SLC27A5: variants seen among roughly 807,000 people sequenced by gnomAD.
SLC27A5 encodes long-chain fatty acid transport protein 5.
SLC27A5 carries 47 observed loss-of-function variants against 63.1 expected under a neutral mutation model. That is an observed-to-expected ratio of 0.74 (90% CI 0.59 to 0.95). The LOEUF (loss-of-function observed/expected upper bound fraction) is 0.95, where lower values mean the gene tolerates loss of function less well. SLC27A5 is among the 40% of genes least tolerant of loss of function. SLC27A5 has a pLI of 0.00. For synonymous variants in SLC27A5, 391 were observed against 403.8 expected, an observed-to-expected ratio of 0.97 and a Z score of 0.38; for missense variants, 940 against 921.0, an observed-to-expected ratio of 1.02 and a Z score of -0.27.
rs143397900 is a variant in SLC27A5, at chr19:58,498,854, C to T, written c.1827G>A (p.Gly609=). 379 of 1,613,892 alleles carry T rather than the reference C, an allele frequency of 2.3e-4. No individual in the cohort carries two copies. Among genetic ancestry groups the T allele is most frequent in the Non-Finnish European group, 3.0e-4 (351 of 1,180,036 alleles). The change falls in exon 9 of 10, where the codon GGG becomes GGA. Residue 609 remains glycine, a synonymous_variant. Transcript: ENST00000263093. The stretch of plus-strand genomic sequence containing the variant: ...CGCGAACGTGCTGGTACAACTTCTC[C>T]CCGTCGAAAGTCTGGCCGGGGGCTA... ...VQLAPGQTFD[G]EKLYQHVRAW... is the part of the protein sequence containing the mutation.
At position 58,511,597 on chromosome 19, in the gene SLC27A5, A is replaced by G; in HGVS notation, c.359T>C (p.Phe120Ser). 6.3e-7 allele frequency: 1 copy of G among 1,587,254 alleles called. No individual in the cohort carries two copies. Among genetic ancestry groups the G allele is most frequent in the Non-Finnish European group, 8.6e-7 (1 of 1,164,470 alleles). The part of the protein sequence containing the change: ...RQPPDTFVDA[F>S]ERRARAQPGR... ...AGGCTGCGCTCGTGCTCGCCGCTCG[A>G]AGGCATCTACAAAGGTGTCAGGCGG... is the stretch of plus-strand genomic sequence containing the variant. The change falls in exon 1 of 10, where the codon TTC (phenylalanine) becomes TCC (serine). Residue 120 changes from phenylalanine (F) to serine (S), a missense_variant. Transcript: ENST00000263093.
At chr19:58,506,350 C>T (rs2053347218) in intron 3 of SLC27A5, among the ~76,000 whole-genome samples, 2 of 152,212 alleles carry the variant, frequency 1.3e-5, no homozygotes, top group East Asian at 3.9e-4. Context: ...GCCTGGCCAA[C>T]ATGGCAAAAC....
rs1472842450 is a variant in SLC27A5 at position 58,499,123 on chromosome 19, C to A, written c.1765G>T (p.Gly589Cys). Residue 589 changes from glycine (G) to cysteine (C), a missense_variant and splice_region_variant, in exon 8 of 10, where the codon GGT (glycine) becomes TGT (cysteine). By Grantham distance (159) the Gly-to-Cys change is radical. Transcript: ENST00000263093. ...AGTTTAAAATGAGAACCCTCCGCAC[C>A]TGGCACGCACACGCCATACACGTTA... ...QVNVYGVCVP[G>C]CEGKVGMAAV... 1.6e-5 allele frequency: 26 copies of A among 1,613,884 alleles called. No individual in the cohort carries two copies. Among genetic ancestry groups the A allele is most frequent in the Non-Finnish European group, 1.9e-5 (23 of 1,180,004 alleles).
intron 8 of SLC27A5, 67 bp from the exon 9 acceptor site, chr19:58,498,982 G>T (rs559823637): frequency 5.0e-6 from 8 of 1,590,806 alleles, no homozygotes; most frequent in Admixed American, 1.7e-5. Flanking sequence ...CTCCAGCCTC[G>T]CCCAGCTCTG....
intron 4 of SLC27A5, 125 bp downstream of exon 4, chr19:58,501,161 G>A: frequency 7.5e-7 from 1 of 1,326,194 alleles, no homozygotes; most frequent in Non-Finnish European, 1.0e-6. Context: ...CTCATTATCT[G>A]GGGTTCTTGC....
chr19:58,509,923 A>G lies in SLC27A5; in HGVS notation c.981T>C (p.Asp327=). Residue 327 remains aspartate (D), a synonymous_variant, in exon 3 of 10, where the codon GAT becomes GAC. Coordinates refer to ENST00000263093, the MANE Select transcript of SLC27A5 (RefSeq NM_012254.3). ...GAGGCAGGACCGTGTAAACCACATC[A>G]TCAGCTGTGGCCCCAGATAAGGACA... ...KMLSLSGATA[D]DVVYTVLPLY... is the part of the protein sequence containing the mutation. 1 of 1,613,962 alleles carries G rather than the reference A, an allele frequency of 6.2e-7. No homozygotes were observed. Among genetic ancestry groups the G allele is most frequent in the Non-Finnish European group, 8.5e-7 (1 of 1,179,882 alleles).
chr19:58,502,904 G>C (rs983345577), intron 3 of SLC27A5, among the ~76,000 whole-genome samples: 2 of 152,048 alleles, frequency 1.3e-5, no homozygotes, highest in Non-Finnish European at 2.9e-5. Context: ...CAGAGGCAGG[G>C]GGGTAGAAAG....
intron 2 of SLC27A5, 104 bp downstream of exon 2, chr19:58,510,616 AG>A: frequency 1.1e-6 from 1 of 951,598 alleles, no homozygotes; most frequent in Non-Finnish European, 1.5e-6. Context: ...TCAAAATCAG[AG>A]GGTAAAGTGG....
chr19:58,509,547 T>C (rs1230767876), intron 3 of SLC27A5: 4 of 288,728 alleles, frequency 1.4e-5, no homozygotes, highest in Non-Finnish European at 2.6e-5. Context: ...CTTGGGGCCA[T>C]GTCACAAATC....
chr19:58,506,525 C>T (rs1292123704), intron 3 of SLC27A5, among the ~76,000 whole-genome samples: 3 of 152,046 alleles, frequency 2.0e-5, no homozygotes, highest in Non-Finnish European at 2.9e-5. Context: ...GGTGACAGAG[C>T]GAGACTGTGT....
chr19:58,510,777 C>G lies in SLC27A5; in HGVS notation c.842G>C (p.Arg281Pro). 6.2e-7 allele frequency: 1 copy of G among 1,613,488 alleles called. No homozygotes were observed. The highest frequency in any genetic ancestry group is 8.5e-7 in the Non-Finnish European group (1 of 1,179,842). Residue 281 changes from arginine to proline, a missense_variant, in exon 2 of 10, where the codon CGT (arginine) becomes CCT (proline). Arg to Pro is a moderately radical substitution (Grantham distance 103). Coordinates refer to ENST00000263093, the MANE Select transcript of SLC27A5 (RefSeq NM_012254.3). ...APSHPVPADL[R>P]AGITWRSPAL... is the part of the protein sequence containing the mutation. Reference sequence around the variant, plus strand: ...AGGGCTTCTCCATGTGATCCCAGCACGCAGGTCAGCAGGCACTGGGTGGGA... The same window carrying G: ...AGGGCTTCTCCATGTGATCCCAGCAGGCAGGTCAGCAGGCACTGGGTGGGA...
In SLC27A5 at chr19:58,499,609, C is replaced by T; in HGVS notation, c.1550G>A (p.Arg517Gln). Reference protein sequence around the residue: ...GYRGPRELSERKLVRNVRQSG... With the variant: ...GYRGPRELSEQKLVRNVRQSG... ...TTGCCGCACGTTGCGCACCAGCTTC[C>T]GTTCCGACAGCTCTCGGGGGCCGCG... The change falls in exon 7 of 10, where the codon CGG (arginine) becomes CAG (glutamine). Residue 517 changes from arginine (R) to glutamine (Q), a missense_variant. By Grantham distance (43) the Arg-to-Gln change is conservative. Transcript: ENST00000263093. 6 of 1,613,102 alleles carry T rather than the reference C, an allele frequency of 3.7e-6. No homozygotes were observed. Among genetic ancestry groups the T allele is most frequent in the South Asian group, 1.1e-5 (1 of 91,056 alleles).
chr19:58,499,253 C>A, intron 7 of SLC27A5, 33 bp from the exon 8 acceptor site: 1 of 1,601,692 alleles, frequency 6.2e-7, no homozygotes, highest in Non-Finnish European at 8.5e-7. Context: ...TGTGACCACG[C>A]CCCCGGGAAG....
At chr19:58,505,923 C>A (rs573178602) in intron 3 of SLC27A5, among the ~76,000 whole-genome samples, 2 of 148,158 alleles carry the variant, frequency 1.3e-5, no homozygotes, top group Non-Finnish European at 3.0e-5. Flanking sequence ...GAGGCCGAGG[C>A]GGGCGGATCA....
At position 58,500,382 on chromosome 19, in the gene SLC27A5, C is replaced by A; in HGVS notation, c.1425G>T (p.Glu475Asp). 6.2e-7 allele frequency: 1 copy of A among 1,613,752 alleles called. No individual in the cohort carries two copies. The highest frequency in any genetic ancestry group is 2.2e-5 in the East Asian group (1 of 44,866). ...ELVQFDMEAA[E>D]PVRDNQGFCI... ...AGAAGCCCTGATTGTCCCTCACAGG[C>A]TCCGCCGCCTCCATGTCGAACTGCA... The change falls in exon 6 of 10, where the codon GAG becomes GAT. Residue 475 changes from glutamate (E) to aspartate (D), a missense_variant. Physicochemically the swap from Glu to Asp is conservative, Grantham distance 45. Transcript: ENST00000263093.
rs201217575 is a variant in SLC27A5, at chr19:58,499,202, C to T, written c.1686G>A (p.Val562=). 1,536 of 1,613,890 alleles carry T rather than the reference C, an allele frequency of 9.5e-4. 26 individuals carry two copies. The East Asian group carries it at 0.028, about 30-fold the overall frequency. ...GDTFRWKGEN[V]STHEVEGVLS... ...ACACGCCCTCCACCTCGTGCGTGGA[C>T]ACGTTCTCGCCCTTCCATCTGCAAG... is the stretch of plus-strand genomic sequence containing the variant. Residue 562 remains valine (V), a synonymous_variant, in exon 8 of 10, where the codon GTG becomes GTA. Coordinates refer to ENST00000263093, the MANE Select transcript of SLC27A5 (RefSeq NM_012254.3).
intron 1 of SLC27A5, 49 bp from the exon 2 acceptor site, chr19:58,510,979 G>T (rs759630232): frequency 6.8e-7 from 1 of 1,461,630 alleles, no homozygotes; most frequent in Non-Finnish European, 9.2e-7. Flanking sequence ...CACCTTTGAG[G>T]TTGCGAGGCG....
Position 58,511,626 on chromosome 19 carries a change from C to T in SLC27A5, c.330G>A (p.Arg110=). 1 of 1,596,210 alleles carries T rather than the reference C, an allele frequency of 6.3e-7. No individual in the cohort carries two copies. The highest frequency in any genetic ancestry group is 8.5e-7 in the Non-Finnish European group (1 of 1,170,050). Residue 110 remains arginine (R), a synonymous_variant, in exon 1 of 10, where the codon CGG becomes CGA. Transcript: ENST00000263093. ...LGLKIRGCLS[R]QPPDTFVDAF... ...CATCTACAAAGGTGTCAGGCGGCTG[C>T]CGGCTCAAGCATCCCCTGATCTTCA... is the stretch of plus-strand genomic sequence containing the variant.
intron 3 of SLC27A5, among the ~76,000 whole-genome samples, chr19:58,507,023 G>A (rs113267181): frequency 0.23 from 34,113 of 151,286 alleles, 4,541 homozygotes; most frequent in Non-Finnish European, 0.3. Context: ...GATTACAGGC[G>A]TGAACCACCG....
Sources: gnomAD v4.1 joint callset for allele counts (sites outside exome capture counted in the v4.1 genomes callset) on GRCh38, gnomAD v4.1.1 for gene constraint, MANE v1.5 for transcripts, NCBI Gene and HGNC (gene_info 2026-07-23, HGNC 2026-07-21) for gene names.